MCTP2: variants seen among roughly 807,000 people sequenced by gnomAD.
MCTP2 encodes the protein multiple C2 and transmembrane domain containing 2, also known as multiple C2 and transmembrane domain-containing protein 2.
In MCTP2, 132 loss-of-function variants were observed where a neutral mutation model predicts 111.6. The ratio of observed to expected loss-of-function variants is 1.18; its 90% CI spans 1.03 to 1.37. The LOEUF (loss-of-function observed/expected upper bound fraction) is 1.37, where lower values mean the gene tolerates loss of function less well. MCTP2 is among the 40% of genes most tolerant of loss of function. The pLI, the probability that MCTP2 is intolerant of heterozygous loss-of-function variation, is 0.00. For missense variants in MCTP2, 1,183 were observed against 1,067.9 expected (o/e 1.11, Z -1.50); for synonymous variants, 395 against 387.7 (o/e 1.02, Z -0.22).
At chr15:94,253,836 T>G (rs1028123573) in intron 1 of MCTP2, among the ~76,000 whole-genome samples, 36 of 152,050 alleles carry the variant, frequency 2.4e-4, no homozygotes, top group Non-Finnish European at 5.9e-5. Flanking sequence ...CTCCAGAGAC[T>G]GAAACAGTTT....
chr15:94,336,703 G>A (rs895696209), intron 4 of MCTP2, among the ~76,000 whole-genome samples: 7 of 150,470 alleles, frequency 4.7e-5, no homozygotes, highest in African/African-American at 1.7e-4. Context: ...ATGTATGTAT[G>A]TGCATATATA....
At chr15:94,369,012 C>A (rs1176813172) in intron 11 of MCTP2, among the ~76,000 whole-genome samples, 2 of 152,136 alleles carry the variant, frequency 1.3e-5, no homozygotes, top group African/African-American at 4.8e-5. Context: ...AAGTTACAGC[C>A]CCCTGGATTT....
intron 14 of MCTP2, among the ~76,000 whole-genome samples, chr15:94,395,338 G>GA (rs1309512556): frequency 2.0e-5 from 3 of 152,182 alleles, no homozygotes; most frequent in Admixed American, 1.3e-4. Flanking sequence ...TAACTGGAAG[G>GA]TCAAACAATG....
intron 12 of MCTP2, among the ~76,000 whole-genome samples, chr15:94,370,606 C>T (rs1482092378): frequency 1.3e-5 from 2 of 152,174 alleles, no homozygotes; most frequent in Non-Finnish European, 1.5e-5. Context: ...GGCACCTCAT[C>T]GTAATAATGA....
intron 1 of MCTP2, among the ~76,000 whole-genome samples, chr15:94,233,750 A>T (rs1449650663): frequency 6.6e-6 from 1 of 152,230 alleles, no homozygotes; most frequent in Non-Finnish European, 1.5e-5. Flanking sequence ...CTTTAAGTGC[A>T]TGTAAACCAG....
chr15:94,440,297 A>G lies in MCTP2; in HGVS notation c.2207A>G (p.Gln736Arg). ...AAGGTCAGCAGCATCCAGGACAGCC[A>G]GGTAAGCAAGGATTCGGAGTTCTGA... is the stretch of plus-strand genomic sequence containing the variant. ...KGKVSSIQDSQESTDIDDEED... is the reference protein window; with the variant it reads ...KGKVSSIQDSRESTDIDDEED... Residue 736 changes from glutamine (Q) to arginine (R), a missense_variant and splice_region_variant, in exon 18 of 23, where the codon CAG becomes CGG. Physicochemically the swap from Gln to Arg is conservative, Grantham distance 43 (BLOSUM62 1). Coordinates refer to ENST00000357742, the MANE Select transcript of MCTP2 (RefSeq NM_001385001.1). 1 of 1,613,696 alleles carries G rather than the reference A, an allele frequency of 6.2e-7. No individual in the cohort carries two copies. Among genetic ancestry groups the G allele is most frequent in the Non-Finnish European group, 8.5e-7 (1 of 1,179,870 alleles).
At chr15:94,234,152 A>G (rs114923122) in intron 1 of MCTP2, among the ~76,000 whole-genome samples, 132 of 152,274 alleles carry the variant, frequency 8.7e-4, no homozygotes, top group African/African-American at 3.0e-3. Flanking sequence ...TGACCTGGTA[A>G]GGTGTTCTCA....
Position 94,476,602 on chromosome 15 carries a change from TGACAGATA to T in MCTP2, c.2471-91_2471-84del, listed in dbSNP as rs976426558. ...GATGCTAGATAGATAGATGATTGAC[TGACAGATA>T]GATAGATAGATAGATAGATAGATAG... On this transcript the variant is annotated intron_variant, in intron 21 of 22. Coordinates refer to ENST00000357742, the MANE Select transcript of MCTP2 (RefSeq NM_001385001.1). The T allele has an allele frequency of 1.4e-5, 10 of 711,748 alleles. No homozygotes were observed. In the Admixed American group the frequency reaches 1.8e-4, roughly 13 times the overall value. The allele number at this position is 711,748 out of a possible 1,614,324, so 44.1% of individuals were successfully genotyped here. A position where few individuals can be genotyped will look rare whatever the true frequency, so the allele number is the denominator to read the frequency against.
chr15:94,402,542 TG>T, intron 17 of MCTP2: 2 of 1,551,784 alleles, frequency 1.3e-6, no homozygotes, highest in Middle Eastern at 1.7e-4. Context: ...CTGGTGACAT[TG>T]GCCCATCCTT....
At chr15:94,392,155 A>T (rs1381231278) in intron 14 of MCTP2, among the ~76,000 whole-genome samples, 1 of 151,978 alleles carries the variant, frequency 6.6e-6, no homozygotes, top group East Asian at 1.9e-4. Flanking sequence ...GCGGATCACG[A>T]GGTTAGGAGA....
chr15:94,402,337 G>T lies in MCTP2; in HGVS notation c.2085+318G>T, dbSNP rs977603020. On this transcript the variant is annotated intron_variant, in intron 17 of 22. Coordinates refer to ENST00000357742, the MANE Select transcript of MCTP2 (RefSeq NM_001385001.1). ...TGACCGCCCATAATTTCTGAAAAATGGCATCTGAAAAATCACAGGACTAAA... is the reference window on the plus strand; with the variant it reads ...TGACCGCCCATAATTTCTGAAAAATTGCATCTGAAAAATCACAGGACTAAA... 7.0e-5 allele frequency: 101 copies of T among 1,440,528 alleles called. No homozygotes were observed. In the African/African-American group the frequency reaches 1.3e-3, roughly 19 times the overall value. 89.2% of individuals were successfully genotyped at this position (1,440,528 alleles called of 1,614,324 possible).
chr15:94,392,847 A>C (rs543593909), intron 14 of MCTP2, among the ~76,000 whole-genome samples: 336 of 152,128 alleles, frequency 2.2e-3, no homozygotes, highest in African/African-American at 6.1e-3. Context: ...ACAAAAAAAA[A>C]CAAAAAACTT....
intron 20 of MCTP2, among the ~76,000 whole-genome samples, chr15:94,464,174 G>A (rs1212432296): frequency 1.4e-5 from 2 of 143,694 alleles, no homozygotes; most frequent in East Asian, 2.0e-4. Context: ...AGCTGCTGAA[G>A]CATCTAGGCC....
chr15:94,445,472 C>T lies in MCTP2; in HGVS notation c.2250+2512C>T, dbSNP rs1471567219. 3.3e-5 allele frequency among the ~76,000 whole-genome samples: 5 copies of T among 152,096 alleles called. No homozygotes were observed. In the East Asian group the frequency reaches 9.6e-4, roughly 29 times the overall value. On this transcript the variant is annotated intron_variant, in intron 19 of 22. Transcript: ENST00000357742. ...GTTAGGAAAGGCTGGTGAATTTTTC[C>T]ATCCTTGTCCATCTCTTTTCATTCT...
chr15:94,323,874 T>C (rs959314962), intron 4 of MCTP2, among the ~76,000 whole-genome samples: 1 of 152,174 alleles, frequency 6.6e-6, no homozygotes, highest in Non-Finnish European at 1.5e-5. Flanking sequence ...CTCTTTCTAC[T>C]CTCCTTTTCT....
intron 17 of MCTP2, among the ~76,000 whole-genome samples, chr15:94,409,363 G>A (rs1413837907): frequency 6.6e-6 from 1 of 152,074 alleles, no homozygotes; most frequent in East Asian, 1.9e-4. Context: ...CCTTGTGATT[G>A]TGTGAGATAA....
chr15:94,352,251 G>A (rs192750832), intron 8 of MCTP2, among the ~76,000 whole-genome samples: 49 of 152,270 alleles, frequency 3.2e-4, no homozygotes, highest in South Asian at 1.9e-3. Flanking sequence ...TTCCTGCCTC[G>A]GGATGGTCTT....
rs1198263696 is a variant in MCTP2, at chr15:94,242,960, CGTGTATAT to C, written c.-66+11303_-66+11310del. Among the ~76,000 whole-genome samples the C allele has an allele frequency of 4.2e-3, 431 of 102,808 alleles. 18 individuals are homozygous for C. The highest frequency in any genetic ancestry group is 0.015 in the African/African-American group (400 of 26,396). 67.4% of individuals were successfully genotyped at this position (102,808 alleles called of 152,430 possible). On this transcript the variant is annotated intron_variant, in intron 1 of 22. Coordinates refer to ENST00000357742, the MANE Select transcript of MCTP2 (RefSeq NM_001385001.1). ...GTGTATATGTAGATACACATATACA[CGTGTATAT>C]GTGTATCTACACATACACGTGTATA...
At chr15:94,235,780 G>C (rs934314744) in intron 1 of MCTP2, among the ~76,000 whole-genome samples, 3 of 152,214 alleles carry the variant, frequency 2.0e-5, no homozygotes, top group Non-Finnish European at 4.4e-5. Flanking sequence ...CGGGATTCAA[G>C]CACAGGCTGT....
Sources: gnomAD v4.1 joint callset for allele counts (sites outside exome capture counted in the v4.1 genomes callset) on GRCh38, gnomAD v4.1.1 for gene constraint, MANE v1.5 for transcripts, NCBI Gene and HGNC (gene_info 2026-07-23, HGNC 2026-07-21) for gene names.